RANBP2: variants seen among roughly 807,000 people sequenced by gnomAD.
The protein encoded by RANBP2 is E3 SUMO-protein ligase RanBP2.
RANBP2 carries 57 observed loss-of-function variants against 303.6 expected under a neutral mutation model. The observed-to-expected ratio is 0.19, with a 90% CI of 0.15 to 0.23. The LOEUF is 0.23. Ranked by LOEUF, RANBP2 falls within the 10% of genes least tolerant of loss-of-function variation. RANBP2 has a pLI of 1.00. For missense variants in RANBP2, 3,138 were observed against 3,780.8 expected, an observed-to-expected ratio of 0.83 and a Z score of 4.46; for synonymous variants, 1,167 against 1,301.5, an observed-to-expected ratio of 0.90 and a Z score of 2.23.
chr2:109,307,236 C>A, the RANBP2 span, among the ~76,000 whole-genome samples: 47,216 of 152,012 alleles, frequency 0.31, 9,042 homozygotes, highest in African/African-American at 0.54. Flanking sequence ...CCTTTTTGCA[C>A]ATTGGACTTG....
chr2:108,798,541 A>G, the RANBP2 span: 3 of 1,613,632 alleles, frequency 1.9e-6, no homozygotes, highest in African/African-American at 1.3e-5. Context: ...GTAAAATTAA[A>G]GGTGTTGAAG....
At chr2:109,592,511 C>T in the RANBP2 span, among the ~76,000 whole-genome samples, 5 of 145,670 alleles carry the variant, frequency 3.4e-5, no homozygotes, top group East Asian at 4.2e-4. Context: ...TAGGGCTGGG[C>T]GCAGTGGCCT....
the RANBP2 span, among the ~76,000 whole-genome samples, chr2:108,960,276 T>C: frequency 2.0e-5 from 3 of 152,228 alleles, no homozygotes; most frequent in Non-Finnish European, 4.4e-5. Flanking sequence ...ACTCTGTTTT[T>C]AGGAGCTGGT....
the RANBP2 span, among the ~76,000 whole-genome samples, chr2:109,433,263 A>G: frequency 0.51 from 78,372 of 152,268 alleles, 22,056 homozygotes; most frequent in Non-Finnish European, 0.62. Context: ...CATATATGCA[A>G]AGGAAAAATG....
chr2:109,619,350 A>G, the RANBP2 span, among the ~76,000 whole-genome samples: 5 of 151,896 alleles, frequency 3.3e-5, no homozygotes, highest in African/African-American at 9.6e-5. Flanking sequence ...AAAAAGCTGT[A>G]TGGGTTTTGC....
chr2:108,852,512 C>G, the RANBP2 span, among the ~76,000 whole-genome samples: 1 of 152,076 alleles, frequency 6.6e-6, no homozygotes, highest in Non-Finnish European at 1.5e-5. Context: ...AAATGCCCAT[C>G]GAAGATAACC....
the RANBP2 span, among the ~76,000 whole-genome samples, chr2:109,524,444 C>CAAAAAAAAAAAAAAAAAAAAAAAAAA: frequency 7.1e-5 from 6 of 84,406 alleles, 2 homozygotes; most frequent in African/African-American, 3.9e-4. Context: ...GACCCTGTCT[C>CAAAAAAAAAAAAAAAAAAAAAAAAAA]AAAAAAAAAA....
the RANBP2 span, among the ~76,000 whole-genome samples, chr2:109,595,346 C>T: frequency 6.6e-6 from 1 of 152,276 alleles, no homozygotes; most frequent in Middle Eastern, 3.4e-3. Context: ...TGATACAAAG[C>T]ACATCAGAGA....
the RANBP2 span, among the ~76,000 whole-genome samples, chr2:108,982,850 A>G: frequency 6.6e-6 from 1 of 152,208 alleles, no homozygotes; most frequent in African/African-American, 2.4e-5. Context: ...AAACTAGGAC[A>G]TTGGCGGGGT....
chr2:108,851,108 C>T, the RANBP2 span, among the ~76,000 whole-genome samples: 1 of 152,134 alleles, frequency 6.6e-6, no homozygotes, highest in South Asian at 2.1e-4. Flanking sequence ...TAGAACTCAG[C>T]GAAACACTTA....
At chr2:109,450,705 A>G in the RANBP2 span, among the ~76,000 whole-genome samples, 4 of 152,294 alleles carry the variant, frequency 2.6e-5, no homozygotes, top group South Asian at 8.3e-4. Context: ...GTGAAATCCA[A>G]TAAGCAATTC....
At chr2:109,685,147 A>T in the RANBP2 span, among the ~76,000 whole-genome samples, 1 of 152,214 alleles carries the variant, frequency 6.6e-6, no homozygotes, top group Non-Finnish European at 1.5e-5. Flanking sequence ...TGCTGGGATT[A>T]CAGGCATGAG....
the RANBP2 span, among the ~76,000 whole-genome samples, chr2:109,515,226 A>G: frequency 7.8e-4 from 119 of 152,164 alleles, 1 homozygote; most frequent in African/African-American, 2.5e-3. Flanking sequence ...GGCACCCAGC[A>G]CCCCATGATG....
At chr2:109,588,619 G>T in the RANBP2 span, among the ~76,000 whole-genome samples, 1 of 151,968 alleles carries the variant, frequency 6.6e-6, no homozygotes, top group African/African-American at 2.4e-5. Context: ...TCAGCCTCAC[G>T]AGTAGCTGGG....
the RANBP2 span, among the ~76,000 whole-genome samples, chr2:108,904,441 C>G: frequency 6.6e-6 from 1 of 152,202 alleles, no homozygotes; most frequent in Non-Finnish European, 1.5e-5. Context: ...TATCATACAA[C>G]CCAACAAATG....
the RANBP2 span, among the ~76,000 whole-genome samples, chr2:109,104,444 C>CT: frequency 0.95 from 144,087 of 151,530 alleles, 68,897 homozygotes; most frequent in Non-Finnish European, 1. Context: ...GTCCGTTCAG[C>CT]GGTTGAGGGG....
At chr2:108,907,138 A>T in the RANBP2 span, among the ~76,000 whole-genome samples, 7 of 152,056 alleles carry the variant, frequency 4.6e-5, no homozygotes, top group African/African-American at 1.7e-4. Flanking sequence ...AGGTGATAAA[A>T]CCCTGGGGAC....
At chr2:109,673,550 G>A in the RANBP2 span, among the ~76,000 whole-genome samples, 8 of 152,270 alleles carry the variant, frequency 5.3e-5, no homozygotes, top group African/African-American at 1.7e-4. Flanking sequence ...AAATTAGTAG[G>A]GGAGAGACAG....
At chr2:109,636,038 C>T in the RANBP2 span, among the ~76,000 whole-genome samples, 6 of 152,178 alleles carry the variant, frequency 3.9e-5, no homozygotes, top group African/African-American at 9.7e-5. Context: ...GAAGAGGCCC[C>T]GAGAGCTCCC....
Sources: allele counts gnomAD v4.1 joint callset (sites outside exome capture counted in the v4.1 genomes callset), GRCh38; gene constraint gnomAD v4.1.1; transcripts MANE v1.5; gene names NCBI Gene and HGNC (gene_info 2026-07-23, HGNC 2026-07-21).